Variants in LYST observed in about 807,000 individuals in gnomAD.
The protein encoded by LYST is lysosomal-trafficking regulator.
LYST carries 192 observed loss-of-function variants against 413.6 expected under a neutral mutation model. That is an observed-to-expected ratio of 0.46 (90% CI 0.41 to 0.52). The LOEUF (loss-of-function observed/expected upper bound fraction) is 0.52, where lower values mean the gene tolerates loss of function less well. Ranked by LOEUF, LYST falls within the 20% of genes least tolerant of loss-of-function variation. The pLI is 0.00. For missense variants in LYST, 3,815 were observed against 4,499.9 expected, an observed-to-expected ratio of 0.85 and a Z score of 4.35; for synonymous variants, 1,525 against 1,567.3, an observed-to-expected ratio of 0.97 and a Z score of 0.64.
intron 31 of LYST, among the ~76,000 whole-genome samples, chr1:235,740,160 C>T (rs1665227997): frequency 6.6e-6 from 1 of 152,118 alleles, no homozygotes; most frequent in African/African-American, 2.4e-5. Flanking sequence ...GGAAAAAGCA[C>T]CTAAAAGTAT....
intron 40 of LYST, among the ~76,000 whole-genome samples, chr1:235,717,718 T>TA (rs1662970291): frequency 6.6e-6 from 1 of 152,006 alleles, no homozygotes; most frequent in African/African-American, 2.4e-5. Flanking sequence ...TTTTTTTTTT[T>TA]AATATAAATT....
chr1:235,793,653 A>C (rs1671258095), intron 10 of LYST, 41 bp from the exon 11 acceptor site: 1 of 1,009,464 alleles, frequency 9.9e-7, no homozygotes, highest in South Asian at 1.3e-5. Context: ...GCTAGTACAC[A>C]ATTAGAGGAA....
chr1:235,795,223 T>C (rs1671428649), intron 10 of LYST, among the ~76,000 whole-genome samples: 1 of 152,142 alleles, frequency 6.6e-6, no homozygotes, highest in Admixed American at 6.5e-5. Context: ...CTCCTGTTTC[T>C]CAGTACAGAG....
chr1:235,744,930 T>TA (rs1665770748), intron 29 of LYST, among the ~76,000 whole-genome samples: 2 of 150,960 alleles, frequency 1.3e-5, no homozygotes, highest in South Asian at 4.2e-4. Flanking sequence ...GAAAGAAAAG[T>TA]AAAAAAAGCT....
intron 28 of LYST, chr1:235,747,301 G>C (rs1395904811): frequency 2.3e-6 from 1 of 441,818 alleles, no homozygotes; most frequent in South Asian, 1.6e-5. Context: ...TGGTAGATGA[G>C]GAATAATGGA....
Position 235,809,001 on chromosome 1 carries a change from T to A in LYST, c.1817A>T (p.Asn606Ile), listed in dbSNP as rs1415042364. The A allele has an allele frequency of 1.9e-6, 3 of 1,613,832 alleles. No homozygotes were observed. In the Admixed American group the frequency reaches 5.0e-5, roughly 27 times the overall value. Residue 606 changes from asparagine to isoleucine, a missense_variant, in exon 5 of 53, where the codon AAT (asparagine) becomes ATT (isoleucine). Physicochemically the swap from Asn to Ile is moderately radical, Grantham distance 149. Coordinates refer to ENST00000389793, the MANE Select transcript of LYST (RefSeq NM_000081.4). The surrounding 1 kb of genome is among the most constrained non-coding windows in gnomAD (Gnocchi z 4.0). ...GATATTCAATATATGCTGCTGAAAA[T>A]TTTTCAGTGCTGGCAATTTAAAAGC... Reference protein sequence around the residue: ...LHAFKLPALKNFQQHILNILN... With the variant: ...LHAFKLPALKIFQQHILNILN...
At position 235,755,596 on chromosome 1, in the gene LYST, G is replaced by C. The variant is rs1339546100; in HGVS notation, c.7111C>G (p.Leu2371Val). ...AGCAAGGAAAATCCACGATTCTTCAGAAATTTATCTTTTTGTTCCTTAGAT... is the reference window on the plus strand; with the variant it reads ...AGCAAGGAAAATCCACGATTCTTCACAAATTTATCTTTTTGTTCCTTAGAT... ...RASKEQKDKFLKNRGFSLLAN... is the reference protein window; with the variant it reads ...RASKEQKDKFVKNRGFSLLAN... Residue 2371 changes from leucine (L) to valine (V), a missense_variant, in exon 25 of 53, where the codon CTG (leucine) becomes GTG (valine). Leu to Val is a conservative substitution (Grantham distance 32, BLOSUM62 1). Transcript: ENST00000389793. The C allele has an allele frequency of 1.2e-6, 2 of 1,613,362 alleles. No individual in the cohort carries two copies. Among genetic ancestry groups the C allele is most frequent in the Admixed American group, 1.7e-5 (1 of 60,002 alleles).
chr1:235,738,230 T>G, intron 31 of LYST: 1 of 1,610,744 alleles, frequency 6.2e-7, no homozygotes, highest in Non-Finnish European at 8.5e-7. Context: ...CACCAAAGAT[T>G]GTCTCTGGCA....
chr1:235,762,935 T>A, intron 21 of LYST, 84 bp from the exon 22 acceptor site: 2 of 1,030,680 alleles, frequency 1.9e-6, no homozygotes, highest in African/African-American at 1.6e-5. Context: ...ATCATTAAAT[T>A]CAAATTTTGA....
rs142544079 is a variant in LYST at position 235,701,305 on chromosome 1, G to T, written c.10374+1442C>A. On this transcript the variant is annotated intron_variant, in intron 45 of 52. Transcript: ENST00000389793. Reference sequence around the variant, plus strand: ...TAAATGGCATTTATTAATTTTCAGGGATGTATTGTAAAATTATGCTGACAT... The same window carrying T: ...TAAATGGCATTTATTAATTTTCAGGTATGTATTGTAAAATTATGCTGACAT... Among the ~76,000 whole-genome samples, 892 of 152,270 alleles carry T rather than the reference G, an allele frequency of 5.9e-3. 6 individuals are homozygous for T. The highest frequency in any genetic ancestry group is 0.02 in the African/African-American group (836 of 41,550).
intron 30 of LYST, among the ~76,000 whole-genome samples, chr1:235,742,370 G>A (rs949396370): frequency 4.6e-5 from 7 of 151,580 alleles, no homozygotes. Flanking sequence ...TAGGAGAATC[G>A]CTTGAACCTG....
chr1:235,778,098 A>AATATATATATATAT lies in LYST; in HGVS notation c.5215-804_5215-791dup, dbSNP rs139907712. ...CCACCACACCCAGTTAACCCAGTTA[A>AATATATATATATAT]ATATATATATATATATATATATATT... On this transcript the variant is annotated intron_variant, in intron 16 of 52. Coordinates refer to ENST00000389793, the MANE Select transcript of LYST (RefSeq NM_000081.4). Among the ~76,000 whole-genome samples the AATATATATATATAT allele has an allele frequency of 1.2e-3, 157 of 127,916 alleles. 2 individuals carry two copies. Among genetic ancestry groups the AATATATATATATAT allele is most frequent in the African/African-American group, 5.6e-3 (148 of 26,614 alleles). 83.9% of individuals were successfully genotyped at this position (127,916 alleles called of 152,430 possible).
intron 3 of LYST, among the ~76,000 whole-genome samples, chr1:235,818,501 T>C (rs1003284582): frequency 2.0e-5 from 3 of 151,994 alleles, no homozygotes; most frequent in African/African-American, 7.3e-5. Flanking sequence ...ATAAAACATA[T>C]AAAAGGGCCC....
chr1:235,688,243 T>C (rs561776272), intron 47 of LYST, among the ~76,000 whole-genome samples: 1 of 152,328 alleles, frequency 6.6e-6, no homozygotes, highest in Admixed American at 6.5e-5. Flanking sequence ...AACTAACTTG[T>C]TTTTCTATAT....
intron 1 of LYST, among the ~76,000 whole-genome samples, chr1:235,876,909 G>C (rs1681164616): frequency 6.6e-6 from 1 of 152,144 alleles, no homozygotes; most frequent in Non-Finnish European, 1.5e-5. Flanking sequence ...TGGTTCAGAG[G>C]AGTGACTGAA....
In LYST at chr1:235,664,156, G is replaced by T; in HGVS notation, c.11196-101C>A. 1.0e-6 allele frequency: 1 copy of T among 955,918 alleles called. No individual in the cohort carries two copies. The highest frequency in any genetic ancestry group is 1.7e-6 in the Non-Finnish European group (1 of 589,316). 59.2% of individuals were successfully genotyped at this position (955,918 alleles called of 1,614,324 possible). A position where few individuals can be genotyped will look rare whatever the true frequency, so the allele number is the denominator to read the frequency against. The stretch of plus-strand genomic sequence containing the variant: ...TGTTAAAAATCATGTGGAAGGAAAT[G>T]TAACAAACAATTAACAGTAGTTCCC... On this transcript the variant is annotated intron_variant, in intron 51 of 52. Coordinates refer to ENST00000389793, the MANE Select transcript of LYST (RefSeq NM_000081.4). This position sits in a 1 kb window ranked among gnomAD's most constrained non-coding sequence, Gnocchi z 4.5.
intron 26 of LYST, among the ~76,000 whole-genome samples, chr1:235,752,585 C>T (rs1666607569): frequency 6.6e-6 from 1 of 152,038 alleles, no homozygotes; most frequent in Non-Finnish European, 1.5e-5. Context: ...GTGAATTTGA[C>T]TAAATTAATT....
chr1:235,662,965 A>G lies in LYST; in HGVS notation c.11381T>C (p.Phe3794Ser). 1 of 1,604,232 alleles carries G rather than the reference A, an allele frequency of 6.2e-7. No homozygotes were observed. The highest frequency in any genetic ancestry group is 8.5e-7 in the Non-Finnish European group (1 of 1,171,034). Reference protein sequence around the residue: ...QRLKQPMFYSFLSSYAAG With the variant: ...QRLKQPMFYSSLSSYAAG Reference sequence around the variant, plus strand: ...TCACCCGGCTGCATAGCTGCTAAGGAAGGAATAGAACATTGGCTGTTTCAA... The same window carrying G: ...TCACCCGGCTGCATAGCTGCTAAGGGAGGAATAGAACATTGGCTGTTTCAA... Residue 3794 changes from phenylalanine (F) to serine (S), a missense_variant, in exon 53 of 53, where the codon TTC becomes TCC. Physicochemically the swap from Phe to Ser is radical, Grantham distance 155. This residue lies in a region of LYST where 866 missense variants were observed against 1,156.0 expected (regional missense o/e 0.75). Transcript: ENST00000389793.
intron 1 of LYST, among the ~76,000 whole-genome samples, chr1:235,838,606 AT>A (rs1317079694): frequency 6.6e-6 from 1 of 152,170 alleles, no homozygotes; most frequent in Non-Finnish European, 1.5e-5. Context: ...ATTTTTTTAA[AT>A]TTTAGAACAT....
Sources: allele counts gnomAD v4.1 joint callset (sites outside exome capture counted in the v4.1 genomes callset), GRCh38; gene constraint gnomAD v4.1.1; regional missense constraint gnomAD v4.1.1; non-coding constraint Gnocchi (gnomAD v3.1); transcripts MANE v1.5; gene names NCBI Gene and HGNC (gene_info 2026-07-23, HGNC 2026-07-21).